CNOT6: variants seen among roughly 807,000 people sequenced by gnomAD.
The protein encoded by CNOT6 is CCR4-NOT transcription complex subunit 6.
A neutral mutation model predicts 61.2 loss-of-function variants in CNOT6; 12 were observed. The ratio of observed to expected loss-of-function variants is 0.20; its 90% CI spans 0.13 to 0.32. CNOT6 has a LOEUF of 0.32. CNOT6 is among the 10% of genes least tolerant of loss of function. CNOT6 has a pLI of 1.00. For missense variants in CNOT6, 405 were observed against 663.9 expected, an observed-to-expected ratio of 0.61 and a Z score of 4.28; for synonymous variants, 225 against 240.6, an observed-to-expected ratio of 0.94 and a Z score of 0.60.
chr5:180,520,664 C>A (rs765771547), intron 1 of CNOT6, among the ~76,000 whole-genome samples: 58 of 151,890 alleles, frequency 3.8e-4, no homozygotes, highest in Admixed American at 7.9e-4. Flanking sequence ...AAAGGTGCCG[C>A]TTATTTATAT....
At chr5:180,566,628 G>A (rs1760471889) in intron 7 of CNOT6, among the ~76,000 whole-genome samples, 1 of 139,338 alleles carries the variant, frequency 7.2e-6, no homozygotes, top group Non-Finnish European at 1.5e-5. Context: ...AAATAGTGTT[G>A]AAAAGATGTT....
At chr5:180,516,327 A>G (rs1310945583) in intron 1 of CNOT6, among the ~76,000 whole-genome samples, 2 of 151,928 alleles carry the variant, frequency 1.3e-5, no homozygotes, top group Non-Finnish European at 2.9e-5. Flanking sequence ...CTACAGGCAC[A>G]TGCCACCACA....
At chr5:180,555,762 T>C (rs1409845336) in intron 4 of CNOT6, among the ~76,000 whole-genome samples, 1 of 152,210 alleles carries the variant, frequency 6.6e-6, no homozygotes, top group Non-Finnish European at 1.5e-5. Context: ...GAAAATAATA[T>C]CACTTAGTTC....
At chr5:180,559,793 C>T (rs758423669) in intron 4 of CNOT6, among the ~76,000 whole-genome samples, 1 of 152,050 alleles carries the variant, frequency 6.6e-6, no homozygotes, top group African/African-American at 2.4e-5. Context: ...CTGGGTATCA[C>T]ACTAGATGTA....
intron 2 of CNOT6, among the ~76,000 whole-genome samples, chr5:180,541,840 G>A (rs1360152533): frequency 3.3e-5 from 5 of 150,140 alleles, no homozygotes; most frequent in Admixed American, 2.0e-4. Context: ...GGCACTATCC[G>A]GCCAGAGAAA....
intron 1 of CNOT6, among the ~76,000 whole-genome samples, chr5:180,513,673 TTTTATTTA>T (rs137914888): frequency 6.8e-6 from 1 of 146,924 alleles, no homozygotes; most frequent in Non-Finnish European, 1.5e-5. Context: ...TGCCTGGCCC[TTTTATTTA>T]TTTATTTATT....
chr5:180,538,222 GT>G (rs1758818584), intron 2 of CNOT6, among the ~76,000 whole-genome samples: 2 of 151,448 alleles, frequency 1.3e-5, no homozygotes, highest in African/African-American at 4.8e-5. Context: ...GTATTTTTTA[GT>G]AGAGACGGGG....
chr5:180,515,093 C>G (rs1263551978), intron 1 of CNOT6, among the ~76,000 whole-genome samples: 2 of 151,902 alleles, frequency 1.3e-5, no homozygotes, highest in Non-Finnish European at 2.9e-5. Flanking sequence ...TGAAGGTTGT[C>G]TTTGATAAAG....
At chr5:180,563,411 C>A (rs761813932) in intron 4 of CNOT6, among the ~76,000 whole-genome samples, 2,854 of 149,792 alleles carry the variant, frequency 0.019, 37 homozygotes, top group Non-Finnish European at 0.027. Flanking sequence ...CTTTTTTTTT[C>A]TTTTATATTT....
chr5:180,550,319 C>T (rs1226517339), intron 3 of CNOT6, among the ~76,000 whole-genome samples: 1 of 151,914 alleles, frequency 6.6e-6, no homozygotes, highest in Non-Finnish European at 1.5e-5. Flanking sequence ...GGCGTGGTGG[C>T]GGGCACCTGT....
In CNOT6 at chr5:180,504,955, A is replaced by AT. The variant is rs769852255; in HGVS notation, c.-3+10214dup. On this transcript the variant is annotated intron_variant, in intron 1 of 11. Coordinates refer to ENST00000261951, the MANE Select transcript of CNOT6 (RefSeq NM_001370472.1). ...AATGAAAGTTCTGAGGTACTAGTTA[A>AT]TTTTTTTTTTTTTTTTTTTTTTGAG... Among the ~76,000 whole-genome samples, 424 of 101,482 alleles carry AT rather than the reference A, an allele frequency of 4.2e-3. 19 individuals are homozygous for AT. The highest frequency in any genetic ancestry group is 0.019 in the South Asian group (56 of 2,926). 66.6% of individuals were successfully genotyped at this position (101,482 alleles called of 152,430 possible). A position where few individuals can be genotyped will look rare whatever the true frequency, so the allele number is the denominator to read the frequency against.
intron 1 of CNOT6, among the ~76,000 whole-genome samples, chr5:180,517,537 C>CT (rs972187107): frequency 1.8e-4 from 27 of 150,994 alleles, no homozygotes; most frequent in South Asian, 1.1e-3. Flanking sequence ...TAAAGTAGGG[C>CT]TTTTTTTTTC....
intron 8 of CNOT6, 119 bp from the exon 9 acceptor site, chr5:180,567,730 A>G: frequency 7.4e-7 from 1 of 1,353,002 alleles, no homozygotes; most frequent in Non-Finnish European, 1.0e-6. Context: ...ATTTTCCGTA[A>G]TGTGATTTAA....
chr5:180,499,246 T>G (rs1244222954), intron 1 of CNOT6, among the ~76,000 whole-genome samples: 2 of 152,216 alleles, frequency 1.3e-5, no homozygotes, highest in African/African-American at 4.8e-5. Flanking sequence ...ACAATGAAAG[T>G]TATAAAATGT....
chr5:180,533,312 C>CTATATGTATATA (rs71591497), intron 2 of CNOT6, among the ~76,000 whole-genome samples: 1 of 127,630 alleles, frequency 7.8e-6, no homozygotes, highest in African/African-American at 3.1e-5. Flanking sequence ...GGATGAAAAC[C>CTATATGTATATA]TATATATATA....
At chr5:180,568,122 T>A in intron 9 of CNOT6, 119 bp downstream of exon 9, 1 of 960,642 alleles carries the variant, frequency 1.0e-6, no homozygotes, top group Non-Finnish European at 1.5e-6. Context: ...AGAAACTCAG[T>A]GAGAAGTTGT....
At chr5:180,519,896 C>G (rs543381402) in intron 1 of CNOT6, among the ~76,000 whole-genome samples, 1 of 149,556 alleles carries the variant, frequency 6.7e-6, no homozygotes, top group East Asian at 2.0e-4. Flanking sequence ...TACAGTGGCT[C>G]AATCTCTGCT....
chr5:180,532,003 C>T (rs868428167), intron 2 of CNOT6, among the ~76,000 whole-genome samples: 38 of 152,268 alleles, frequency 2.5e-4, no homozygotes, highest in Admixed American at 3.3e-4. Flanking sequence ...GAGAGGGACC[C>T]CTCTTCTGAT....
chr5:180,520,196 T>C (rs1757820472), intron 1 of CNOT6, among the ~76,000 whole-genome samples: 1 of 152,196 alleles, frequency 6.6e-6, no homozygotes, highest in South Asian at 2.1e-4. Context: ...ATAAAGTTGT[T>C]ATGAACAACT....
Sources: allele counts gnomAD v4.1 joint callset (sites outside exome capture counted in the v4.1 genomes callset), GRCh38; gene constraint gnomAD v4.1.1; transcripts MANE v1.5; gene names NCBI Gene and HGNC (gene_info 2026-07-23, HGNC 2026-07-21).